Variants in AGBL1 observed in about 807,000 individuals in gnomAD.
AGBL1 encodes the protein AGBL carboxypeptidase 1.
A neutral mutation model predicts 118.9 loss-of-function variants in AGBL1; 130 were observed. That is an observed-to-expected ratio of 1.09 (90% CI 0.95 to 1.26). The LOEUF (loss-of-function observed/expected upper bound fraction) is 1.26. Ranked by LOEUF, AGBL1 falls within the 50% of genes most tolerant of loss-of-function variation. The pLI, the probability that AGBL1 is intolerant of heterozygous loss-of-function variation, is 0.00. For synonymous variants in AGBL1, 555 were observed against 478.9 expected (o/e 1.16, Z -2.08); for missense variants, 1,584 against 1,298.1 (o/e 1.22, Z -3.38).
chr15:86,590,991 G>A (rs570518952), intron 21 of AGBL1, among the ~76,000 whole-genome samples: 1 of 152,204 alleles, frequency 6.6e-6, no homozygotes, highest in Admixed American at 6.5e-5. Flanking sequence ...TCCCAATAAT[G>A]TACGTTATAG....
chr15:86,293,887 C>T (rs1485033362), intron 16 of AGBL1, among the ~76,000 whole-genome samples: 5 of 152,046 alleles, frequency 3.3e-5, no homozygotes, highest in African/African-American at 4.8e-5. Flanking sequence ...CCTCTTAATA[C>T]CTCCTTGATT....
intron 17 of AGBL1, among the ~76,000 whole-genome samples, chr15:86,317,390 T>TAAA (rs1423354939): frequency 6.6e-6 from 1 of 152,056 alleles, no homozygotes; most frequent in African/African-American, 2.4e-5. Flanking sequence ...AAGGGAGAGA[T>TAAA]AAATAAAGAA....
intron 21 of AGBL1, among the ~76,000 whole-genome samples, chr15:86,560,925 G>A (rs536089973): frequency 6.6e-6 from 1 of 152,308 alleles, no homozygotes; most frequent in East Asian, 1.9e-4. Context: ...TCTGTTGGCG[G>A]CATAAATGTC....
At chr15:86,574,740 G>T (rs758538537) in intron 21 of AGBL1, among the ~76,000 whole-genome samples, 1 of 151,562 alleles carries the variant, frequency 6.6e-6, no homozygotes, top group South Asian at 2.1e-4. Flanking sequence ...ACCACTCCTA[G>T]CTAATTTTTG....
In AGBL1 at chr15:86,832,752, A is replaced by C. The variant is rs1453775952; in HGVS notation, c.3159-74335A>C. On this transcript the variant is annotated intron_variant, in intron 22 of 22. Transcript: ENST00000614907. ...TCCCACATCTTCCTGCCTTCTTCTG[A>C]GTCCTTCAGACTGTTCCAACCTCTG... Among the ~76,000 whole-genome samples the C allele has an allele frequency of 1.8e-4, 28 of 152,174 alleles. 1 individual carries two copies.
intron 22 of AGBL1, among the ~76,000 whole-genome samples, chr15:86,785,983 T>C (rs1283945222): frequency 6.6e-6 from 1 of 152,154 alleles, no homozygotes; most frequent in East Asian, 1.9e-4. Flanking sequence ...ACATAGGATA[T>C]AGGAGTGTAT....
chr15:86,317,725 ATC>A (rs1308041720), intron 17 of AGBL1, among the ~76,000 whole-genome samples: 1 of 152,188 alleles, frequency 6.6e-6, no homozygotes, highest in Non-Finnish European at 1.5e-5. Context: ...GTGCCAGAAG[ATC>A]TCTTTTTCAA....
At chr15:86,700,071 T>G (rs2086329695) in intron 22 of AGBL1, among the ~76,000 whole-genome samples, 1 of 152,068 alleles carries the variant, frequency 6.6e-6, no homozygotes, top group Non-Finnish European at 1.5e-5. Context: ...TATGTATTTA[T>G]TTAGGTATAT....
At chr15:86,195,297 G>A (rs1474541244) in intron 5 of AGBL1, among the ~76,000 whole-genome samples, 1 of 152,120 alleles carries the variant, frequency 6.6e-6, no homozygotes, top group Non-Finnish European at 1.5e-5. Context: ...TGTTGGGGGT[G>A]TTCTGACTGG....
At chr15:86,830,617 G>C (rs1426975202) in intron 22 of AGBL1, among the ~76,000 whole-genome samples, 1 of 152,116 alleles carries the variant, frequency 6.6e-6, no homozygotes, top group Non-Finnish European at 1.5e-5. Flanking sequence ...TACTGTCAGG[G>C]CCTAGTGTCT....
intron 5 of AGBL1, among the ~76,000 whole-genome samples, chr15:86,216,132 G>C (rs922539781): frequency 1.3e-5 from 2 of 152,128 alleles, no homozygotes; most frequent in Non-Finnish European, 2.9e-5. Context: ...TTGTTTATTA[G>C]TTTTAATAGT....
At chr15:86,733,827 C>G (rs901060459) in intron 22 of AGBL1, among the ~76,000 whole-genome samples, 19 of 152,202 alleles carry the variant, frequency 1.2e-4, no homozygotes, top group African/African-American at 4.3e-4. Flanking sequence ...TGTCTTTATC[C>G]TTTATGGGAA....
chr15:86,412,147 C>A (rs924755632), intron 18 of AGBL1, among the ~76,000 whole-genome samples: 11 of 152,320 alleles, frequency 7.2e-5, no homozygotes, highest in African/African-American at 2.4e-4. Flanking sequence ...TGGCATTTTT[C>A]CCTCTGTAGA....
At chr15:86,609,507 G>A (rs1231926127) in intron 21 of AGBL1, among the ~76,000 whole-genome samples, 4 of 152,254 alleles carry the variant, frequency 2.6e-5, no homozygotes, top group Admixed American at 1.3e-4. Context: ...TAGGGTATGT[G>A]TAGTTCTAGG....
At chr15:86,325,872 C>A (rs559826365) in intron 17 of AGBL1, among the ~76,000 whole-genome samples, 1 of 152,094 alleles carries the variant, frequency 6.6e-6, no homozygotes, top group South Asian at 2.1e-4. Flanking sequence ...TTAATTTTTT[C>A]AATTTTCTCT....
intron 21 of AGBL1, among the ~76,000 whole-genome samples, chr15:86,572,598 G>C (rs1240538177): frequency 1.3e-5 from 2 of 152,200 alleles, no homozygotes; most frequent in African/African-American, 4.8e-5. Context: ...GGGGACAGGG[G>C]CCAGAGCTGC....
chr15:86,696,625 C>T (rs2086266173), intron 22 of AGBL1, among the ~76,000 whole-genome samples: 1 of 151,660 alleles, frequency 6.6e-6, no homozygotes, highest in African/African-American at 2.4e-5. Flanking sequence ...CTATTCCGTT[C>T]ATTGGGCTAT....
At chr15:86,974,566 T>TATATATA (rs2081152952) in intron 23 of AGBL1, among the ~76,000 whole-genome samples, 4 of 126,710 alleles carry the variant, frequency 3.2e-5, no homozygotes, top group Admixed American at 8.3e-5. Context: ...TAATATAAAT[T>TATATATA]ATATATATTA....
chr15:86,136,718 C>A (rs561799339), intron 1 of AGBL1, among the ~76,000 whole-genome samples: 1 of 152,240 alleles, frequency 6.6e-6, no homozygotes, highest in Admixed American at 6.5e-5. Context: ...GTGGCTGCAG[C>A]TGAGCCTCCA....
Sources: gnomAD v4.1 joint callset for allele counts (sites outside exome capture counted in the v4.1 genomes callset) on GRCh38, gnomAD v4.1.1 for gene constraint, MANE v1.5 for transcripts, NCBI Gene and HGNC (gene_info 2026-07-23, HGNC 2026-07-21) for gene names.